The following PACRG variants were observed in gnomAD, a reference collection of about 807,000 sequenced individuals.
PACRG encodes parkin coregulated.
PACRG carries 29 observed loss-of-function variants against 29.7 expected under a neutral mutation model. The observed-to-expected ratio is 0.98, with a 90% CI of 0.73 to 1.33. The LOEUF is 1.33. PACRG is among the 40% of genes most tolerant of loss of function. The probability of loss-of-function intolerance (pLI) is 0.00; values close to 1 mark genes in which losing one functional copy is unlikely to be tolerated. For missense variants in PACRG, 279 were observed against 316.2 expected (o/e 0.88, Z 0.89); for synonymous variants, 116 against 118.7 (o/e 0.98, Z 0.15).
At chr6:162,739,841 T>TAAAA (rs34535656) in intron 1 of PACRG, among the ~76,000 whole-genome samples, 1 of 130,156 alleles carries the variant, frequency 7.7e-6, no homozygotes, top group African/African-American at 2.9e-5. Flanking sequence ...GCTCCATCTT[T>TAAAA]AAAAAAAAAA....
At chr6:163,242,717 A>G (rs75125728) in intron 4 of PACRG, among the ~76,000 whole-genome samples, 12,243 of 152,228 alleles carry the variant, frequency 0.08, 980 homozygotes, top group East Asian at 0.21. Flanking sequence ...TGTGTAAGCC[A>G]CAGCACCTTT....
chr6:162,763,489 A>G (rs1562572685), intron 1 of PACRG, among the ~76,000 whole-genome samples: 2 of 152,228 alleles, frequency 1.3e-5, no homozygotes, highest in Non-Finnish European at 2.9e-5. Context: ...TATGAATGTC[A>G]AGGACTATTT....
chr6:163,241,811 G>A (rs1032835484), intron 4 of PACRG, among the ~76,000 whole-genome samples: 1 of 152,188 alleles, frequency 6.6e-6, no homozygotes, highest in Non-Finnish European at 1.5e-5. Flanking sequence ...GAGAGGCCAT[G>A]GTAAACCCAA....
rs1225429968 is a variant in PACRG, at chr6:162,888,173, G to T, written c.291+73892G>T. Among the ~76,000 whole-genome samples, 4 of 151,700 alleles carry T rather than the reference G, an allele frequency of 2.6e-5. No homozygotes were observed. The East Asian group carries it at 5.8e-4, about 22-fold the overall frequency. ...GGGTGGTCTCATCCTCATCTAGGGG[G>T]TTTCTGTAGCAGTGAGGGTGGGCTG... On this transcript the variant is annotated intron_variant, in intron 2 of 4. Transcript: ENST00000366888.
At chr6:163,038,651 A>T (rs1266764184) in intron 2 of PACRG, among the ~76,000 whole-genome samples, 1 of 152,198 alleles carries the variant, frequency 6.6e-6, no homozygotes, top group South Asian at 2.1e-4. Flanking sequence ...TATAGAGCAA[A>T]AAAGAATGGA....
intron 4 of PACRG, among the ~76,000 whole-genome samples, chr6:163,242,369 T>C (rs1020122206): frequency 2.0e-5 from 3 of 152,240 alleles, no homozygotes; most frequent in African/African-American, 7.2e-5. Flanking sequence ...AATTATCGCA[T>C]AGGGCAACAT....
At chr6:162,761,729 G>T (rs940577229) in intron 1 of PACRG, among the ~76,000 whole-genome samples, 3 of 151,996 alleles carry the variant, frequency 2.0e-5, no homozygotes, top group Non-Finnish European at 4.4e-5. Flanking sequence ...ACGAGGTCAA[G>T]AGACCAAGAC....
intron 4 of PACRG, among the ~76,000 whole-genome samples, chr6:163,114,860 CAAA>C (rs35202954): frequency 4.7e-5 from 6 of 127,028 alleles, no homozygotes; most frequent in Non-Finnish European, 5.1e-5. Context: ...TTCTCAGCAT[CAAA>C]AAAAAAAAAA....
intron 1 of PACRG, among the ~76,000 whole-genome samples, chr6:162,801,823 T>C (rs1785903973): frequency 6.6e-6 from 1 of 152,168 alleles, no homozygotes; most frequent in African/African-American, 2.4e-5. Context: ...TTATAAAATT[T>C]ATAGAAAATT....
At chr6:163,044,939 G>A (rs1011319155) in intron 2 of PACRG, among the ~76,000 whole-genome samples, 1 of 152,198 alleles carries the variant, frequency 6.6e-6, no homozygotes, top group Non-Finnish European at 1.5e-5. Context: ...ACTATAATTA[G>A]ATAATCTGGT....
rs371052864 is a variant in PACRG at position 162,825,740 on chromosome 6, G to C, written c.291+11459G>C. On this transcript the variant is annotated intron_variant, in intron 2 of 4. Coordinates refer to ENST00000366888, the MANE Select transcript of PACRG (RefSeq NM_001080379.2). ...TTCTGTGGGAGGCCCTCGCGGCCTG[G>C]GTTGTGAAGGCACCCGTGTGCTGTG... Among the ~76,000 whole-genome samples the C allele has an allele frequency of 7.8e-4, 119 of 152,228 alleles. No homozygotes were observed. The East Asian group carries it at 0.012, about 15-fold the overall frequency.
chr6:163,105,211 C>G (rs1224183166), intron 4 of PACRG, among the ~76,000 whole-genome samples: 2 of 151,932 alleles, frequency 1.3e-5, no homozygotes, highest in Non-Finnish European at 2.9e-5. Context: ...TAATATAATT[C>G]TCTCTAAATA....
intron 2 of PACRG, among the ~76,000 whole-genome samples, chr6:162,868,157 C>T (rs563921682): frequency 6.6e-6 from 1 of 152,288 alleles, no homozygotes; most frequent in South Asian, 2.1e-4. Flanking sequence ...GATGCCTTTG[C>T]ACATGGCCTT....
rs74630029 is a variant in PACRG at position 163,134,804 on chromosome 6, G to A, written c.613+45396G>A. Among the ~76,000 whole-genome samples, 752 of 152,104 alleles carry A rather than the reference G, an allele frequency of 4.9e-3. 18 individuals are homozygous for A. The highest frequency in any genetic ancestry group is 0.034 in the Admixed American group (523 of 15,268). ...TTTCAAACATCCAGAAAAACATTGA[G>A]ACTGATCTATGAATCCCTGTGTACC... On this transcript the variant is annotated intron_variant, in intron 4 of 4. Coordinates refer to ENST00000366888, the MANE Select transcript of PACRG (RefSeq NM_001080379.2).
In PACRG at chr6:162,877,697, A is replaced by C. The variant is rs368248045; in HGVS notation, c.291+63416A>C. ...AGATGTGGACTTACTGGGACCAAATATATAAGACATGTTTTATATCTGATA... is the reference window on the plus strand; with the variant it reads ...AGATGTGGACTTACTGGGACCAAATCTATAAGACATGTTTTATATCTGATA... On this transcript the variant is annotated intron_variant, in intron 2 of 4. Transcript: ENST00000366888. 1.6e-3 allele frequency among the ~76,000 whole-genome samples: 245 copies of C among 152,314 alleles called. 1 individual carries two copies. The highest frequency in any genetic ancestry group is 3.0e-3 in the Non-Finnish European group (207 of 68,024).
chr6:163,308,157 T>C (rs1165632305), intron 4 of PACRG, among the ~76,000 whole-genome samples: 1 of 152,214 alleles, frequency 6.6e-6, no homozygotes, highest in East Asian at 1.9e-4. Flanking sequence ...TTAAAAAAAC[T>C]CAAAAGCAAC....
chr6:163,030,313 G>C (rs995806832), intron 2 of PACRG, among the ~76,000 whole-genome samples: 4 of 152,134 alleles, frequency 2.6e-5, no homozygotes, highest in Non-Finnish European at 4.4e-5. Flanking sequence ...ATGAGAAATA[G>C]ATTTCTCTAG....
At chr6:163,277,077 T>G (rs1474981441) in intron 4 of PACRG, among the ~76,000 whole-genome samples, 2 of 152,214 alleles carry the variant, frequency 1.3e-5, no homozygotes, top group African/African-American at 2.4e-5. Context: ...CCTCTCACTT[T>G]ATCTTTCATC....
At chr6:162,787,917 A>G (rs1332019280) in intron 1 of PACRG, among the ~76,000 whole-genome samples, 2 of 151,780 alleles carry the variant, frequency 1.3e-5, no homozygotes, top group Non-Finnish European at 2.9e-5. Flanking sequence ...TTTTTAGAGC[A>G]GTTTCAGGTT....
Sources: gnomAD v4.1 joint callset for allele counts (sites outside exome capture counted in the v4.1 genomes callset) on GRCh38, gnomAD v4.1.1 for gene constraint, MANE v1.5 for transcripts, NCBI Gene and HGNC (gene_info 2026-07-23, HGNC 2026-07-21) for gene names.